NEBL: variants seen among roughly 807,000 people sequenced by gnomAD.
NEBL encodes LIM and SH3 protein 2.
Under a neutral mutation model 140.2 loss-of-function variants are expected in NEBL, and 122 were observed. The ratio of observed to expected loss-of-function variants is 0.87; its 90% CI spans 0.75 to 1.01. NEBL has a LOEUF of 1.01. Among genes scored for constraint, NEBL ranks in the 50% least tolerant of loss-of-function variants. NEBL has a pLI of 0.00. For missense variants in NEBL, 1,365 were observed against 1,231.3 expected (o/e 1.11, Z -1.62); for synonymous variants, 436 against 398.9 (o/e 1.09, Z -1.11).
At chr10:21,229,430 TG>T (rs1225610363) in intron 3 of NEBL, among the ~76,000 whole-genome samples, 3 of 151,802 alleles carry the variant, frequency 2.0e-5, no homozygotes, top group Admixed American at 6.6e-5. Context: ...CAGAAAAAAG[TG>T]GGGGAGGGAA....
intron 17 of NEBL, among the ~76,000 whole-genome samples, chr10:20,827,927 T>C (rs549898326): frequency 6.6e-6 from 1 of 151,604 alleles, no homozygotes; most frequent in South Asian, 2.1e-4. Context: ...TATCAGAGGG[T>C]GAAGAAGGAG....
At chr10:21,145,939 T>C (rs1040957325) in intron 2 of NEBL, among the ~76,000 whole-genome samples, 2 of 152,146 alleles carry the variant, frequency 1.3e-5, no homozygotes, top group Non-Finnish European at 2.9e-5. Flanking sequence ...ATTGGGCATC[T>C]AACAACAGGT....
chr10:21,266,225 T>G (rs931001791), intron 1 of NEBL, among the ~76,000 whole-genome samples: 1 of 152,184 alleles, frequency 6.6e-6, no homozygotes, highest in African/African-American at 2.4e-5. Flanking sequence ...CACTGCAACC[T>G]CTGCCTCCCA....
intron 4 of NEBL, among the ~76,000 whole-genome samples, chr10:20,956,920 T>A (rs1388426829): frequency 6.6e-6 from 1 of 152,220 alleles, no homozygotes; most frequent in Non-Finnish European, 1.5e-5. Flanking sequence ...GTTGACCCAA[T>A]TACATAACAA....
chr10:21,136,608 C>T (rs1839367854), intron 2 of NEBL, among the ~76,000 whole-genome samples: 1 of 152,244 alleles, frequency 6.6e-6, no homozygotes, highest in Non-Finnish European at 1.5e-5. Flanking sequence ...ACCTCTCCTT[C>T]TGTATCCCTG....
chr10:21,062,606 G>A (rs1835354918), intron 2 of NEBL, among the ~76,000 whole-genome samples: 1 of 152,160 alleles, frequency 6.6e-6, no homozygotes, highest in Non-Finnish European at 1.5e-5. Flanking sequence ...AGGATCGCTT[G>A]AGCCCAGGAG....
intron 4 of NEBL, among the ~76,000 whole-genome samples, chr10:20,922,171 C>T (rs1833619994): frequency 6.6e-6 from 1 of 152,118 alleles, no homozygotes; most frequent in African/African-American, 2.4e-5. Flanking sequence ...GAGCAGGCAA[C>T]CTGGAATGGC....
intron 22 of NEBL, among the ~76,000 whole-genome samples, 153 bp from the exon 23 acceptor site, chr10:20,814,196 C>A (rs187832244): frequency 3.3e-4 from 50 of 152,218 alleles, no homozygotes; most frequent in African/African-American, 1.0e-3. Context: ...AGAATAGCAA[C>A]CTAAAATTTT....
intron 2 of NEBL, among the ~76,000 whole-genome samples, chr10:21,044,803 C>T (rs989779250): frequency 3.3e-5 from 5 of 152,190 alleles, no homozygotes; most frequent in African/African-American, 1.2e-4. Context: ...TTCTGCAACT[C>T]ACTCAGGATA....
At chr10:20,830,445 T>C (rs917406134) in intron 16 of NEBL, among the ~76,000 whole-genome samples, 4 of 152,176 alleles carry the variant, frequency 2.6e-5, no homozygotes, top group African/African-American at 9.6e-5. Context: ...AAATTCTTCT[T>C]CCATAAATTT....
chr10:21,275,160 G>A (rs959132339), intron 1 of NEBL, among the ~76,000 whole-genome samples: 9 of 152,258 alleles, frequency 5.9e-5, no homozygotes, highest in Non-Finnish European at 7.3e-5. Flanking sequence ...GCTTTATCGC[G>A]GCCTCATGAG....
chr10:21,115,022 T>G (rs986051079), intron 2 of NEBL, among the ~76,000 whole-genome samples: 1 of 152,058 alleles, frequency 6.6e-6, no homozygotes, highest in Non-Finnish European at 1.5e-5. Flanking sequence ...TTTTTATGAT[T>G]CCTTTTTATC....
At chr10:20,875,807 C>T (rs1358440268) in intron 5 of NEBL, among the ~76,000 whole-genome samples, 2 of 152,124 alleles carry the variant, frequency 1.3e-5, no homozygotes, top group Non-Finnish European at 2.9e-5. Context: ...ATCCAGCTGA[C>T]CCAGAACCCT....
chr10:21,103,692 T>C (rs926430437), intron 2 of NEBL, among the ~76,000 whole-genome samples: 10 of 152,224 alleles, frequency 6.6e-5, no homozygotes, highest in African/African-American at 1.4e-4. Context: ...TCTTTATATA[T>C]GTGTGATACA....
intron 2 of NEBL, among the ~76,000 whole-genome samples, chr10:21,104,209 T>A: frequency 6.6e-6 from 1 of 152,234 alleles, no homozygotes; most frequent in East Asian, 1.9e-4. Flanking sequence ...TGTTCTAACT[T>A]TGTTCTTCTT....
intron 3 of NEBL, among the ~76,000 whole-genome samples, chr10:21,237,205 G>GTTTGT (rs1351804953): frequency 1.3e-5 from 2 of 152,028 alleles, no homozygotes; most frequent in African/African-American, 2.4e-5. Context: ...TTTTGTTTTG[G>GTTTGT]TTTGTTTTGT....
intron 3 of NEBL, among the ~76,000 whole-genome samples, chr10:21,208,697 T>C (rs1214526685): frequency 6.6e-6 from 1 of 152,180 alleles, no homozygotes; most frequent in Non-Finnish European, 1.5e-5. Context: ...CTGTTCTTGC[T>C]GCAGGTGGGG....
At chr10:21,278,875 C>G (rs1842956800) in intron 1 of NEBL, among the ~76,000 whole-genome samples, 1 of 152,156 alleles carries the variant, frequency 6.6e-6, no homozygotes, top group South Asian at 2.1e-4. Context: ...ACCACACTGG[C>G]TGCTTCAAAT....
intron 2 of NEBL, among the ~76,000 whole-genome samples, chr10:20,893,322 C>T (rs1229703068): frequency 6.6e-6 from 1 of 151,940 alleles, no homozygotes; most frequent in Non-Finnish European, 1.5e-5. Flanking sequence ...GTTAGACTAA[C>T]AGGAATAAAT....
Sources: allele counts gnomAD v4.1 joint callset (sites outside exome capture counted in the v4.1 genomes callset), GRCh38; gene constraint gnomAD v4.1.1; transcripts MANE v1.5; gene names NCBI Gene and HGNC (gene_info 2026-07-23, HGNC 2026-07-21).